Variants in CA5B observed in about 807,000 individuals in gnomAD.
CA5B encodes the protein carbonic anhydrase 5B, mitochondrial.
A neutral mutation model predicts 23.1 loss-of-function variants in CA5B; 15 were observed. The observed-to-expected ratio is 0.65, with a 90% CI of 0.43 to 1.00. The LOEUF (loss-of-function observed/expected upper bound fraction) is 1.00. Among genes scored for constraint, CA5B ranks in the 50% least tolerant of loss-of-function variants. The pLI is 0.00. For synonymous variants in CA5B, 84 were observed against 98.5 expected (o/e 0.85, Z 0.87); for missense variants, 236 against 252.2 (o/e 0.94, Z 0.43).
intron 7 of CA5B, among the ~76,000 whole-genome samples, chrX:15,782,217 T>A (rs764627883): frequency 1.4e-4 from 16 of 112,094 alleles, no homozygotes; most frequent in Admixed American, 4.7e-4. Flanking sequence ...GACAGGGCCT[T>A]TGCCCCAAGT....
intron 2 of CA5B, among the ~76,000 whole-genome samples, chrX:15,756,331 C>T (rs1014220799): frequency 5.3e-5 from 6 of 112,195 alleles, no homozygotes; most frequent in Non-Finnish European, 1.1e-4. Flanking sequence ...CATTTAGTAC[C>T]TCTTCTGTGC....
At chrX:15,777,630 G>A (rs760027384) in intron 7 of CA5B, among the ~76,000 whole-genome samples, 1 of 112,067 alleles carries the variant, frequency 8.9e-6, no homozygotes, top group Admixed American at 9.5e-5. Context: ...CTTTGTCCAA[G>A]TAGCTTTTAC....
At chrX:15,759,612 T>C (rs1931558888) in intron 2 of CA5B, among the ~76,000 whole-genome samples, 2 of 110,946 alleles carry the variant, frequency 1.8e-5, no homozygotes, top group Non-Finnish European at 3.8e-5. Flanking sequence ...ACTAAGACAG[T>C]GCTAAAGCAC....
rs35364577 is a variant in CA5B at position 15,757,054 on chromosome X, CA to C, written c.142+6906del. On this transcript the variant is annotated intron_variant, in intron 2 of 7. Transcript: ENST00000318636. ...TGGGCAACAGAGTGAGACTCCGTCT[CA>C]AAAAAAAAAAAAAAAAGTTTTTAAA... Among the ~76,000 whole-genome samples, 484 of 59,723 alleles carry C rather than the reference CA, an allele frequency of 8.1e-3. 2 individuals carry two copies. The highest frequency in any genetic ancestry group is 0.011 in the Non-Finnish European group (390 of 35,413). 51.9% of individuals were successfully genotyped at this position (59,723 alleles called of 115,157 possible).
Position 15,776,856 on chromosome X carries a change from T to A in CA5B, c.761T>A (p.Val254Asp). The A allele has an allele frequency of 1.7e-6, 2 of 1,208,292 alleles. No homozygotes were observed. Among genetic ancestry groups the A allele is most frequent in the Non-Finnish European group, 2.2e-6 (2 of 892,760 alleles). ...ATCATTAAGAAGCAACCAGTAGAGG[T>A]TGATCATGATCAGGTATGTTCTCTC... Reference protein sequence around the residue: ...TWIIKKQPVEVDHDQLEQFRT... With the variant: ...TWIIKKQPVEDDHDQLEQFRT... The change falls in exon 7 of 8, where the codon GTT (valine) becomes GAT (aspartate). Residue 254 changes from valine (V) to aspartate (D), a missense_variant. By Grantham distance (152) the Val-to-Asp change is radical. This residue lies in a region of CA5B where 170 missense variants were observed against 162.0 expected (regional missense o/e 1.05). Coordinates refer to ENST00000318636, the MANE Select transcript of CA5B (RefSeq NM_007220.4).
intron 2 of CA5B, among the ~76,000 whole-genome samples, chrX:15,763,424 C>T (rs1159357183): frequency 8.9e-6 from 1 of 112,314 alleles, no homozygotes; most frequent in African/African-American, 3.2e-5. Flanking sequence ...ACCCTATTTC[C>T]ACATGGCACC....
intron 1 of CA5B, among the ~76,000 whole-genome samples, chrX:15,739,973 A>C (rs192935632): frequency 5.3e-5 from 6 of 112,229 alleles, no homozygotes; most frequent in Non-Finnish European, 9.4e-5. Context: ...GTCAGAGTAC[A>C]TTCTTTTTTT....
At chrX:15,747,608 T>C (rs1931261356) in intron 1 of CA5B, among the ~76,000 whole-genome samples, 1 of 111,367 alleles carries the variant, frequency 9.0e-6, no homozygotes, top group African/African-American at 3.3e-5. Context: ...GGTTTTATTA[T>C]AGTGTTCTCA....
chrX:15,776,338 C>CAAAAAAAAAAAA (rs1204466142), intron 6 of CA5B, among the ~76,000 whole-genome samples: 4 of 43,572 alleles, frequency 9.2e-5, no homozygotes, highest in Non-Finnish European at 1.7e-4. Flanking sequence ...GACTCTGTCT[C>CAAAAAAAAAAAA]AAAAAAAAAA....
chrX:15,765,030 A>T, intron 3 of CA5B: 1 of 355,082 alleles, frequency 2.8e-6, no homozygotes. Flanking sequence ...TATAATTGGT[A>T]TAGAGCATAG....
rs558069468 is a variant in CA5B at position 15,759,225 on chromosome X, C to T, written c.143-5353C>T. Among the ~76,000 whole-genome samples the T allele has an allele frequency of 3.1e-4, 35 of 111,450 alleles. No homozygotes were observed. The South Asian group carries it at 0.013, about 42-fold the overall frequency. On this transcript the variant is annotated intron_variant, in intron 2 of 7. Transcript: ENST00000318636. Reference sequence around the variant, plus strand: ...TTCAAGGGCTGAAAGAAGGACAGTGCCAAAGCTGGGGAAATAGGTGGTTGC... The same window carrying T: ...TTCAAGGGCTGAAAGAAGGACAGTGTCAAAGCTGGGGAAATAGGTGGTTGC...
At chrX:15,741,179 T>G (rs1312439086) in intron 1 of CA5B, among the ~76,000 whole-genome samples, 2 of 107,160 alleles carry the variant, frequency 1.9e-5, no homozygotes, top group Admixed American at 9.8e-5. Context: ...GTGATTCTCC[T>G]GCCTCAGCCT....
chrX:15,748,479 T>C (rs1490287877), intron 1 of CA5B, among the ~76,000 whole-genome samples: 2 of 111,955 alleles, frequency 1.8e-5, no homozygotes, highest in Non-Finnish European at 3.8e-5. Flanking sequence ...GAAAGTTGAT[T>C]ACCAGTCCAT....
intron 1 of CA5B, among the ~76,000 whole-genome samples, chrX:15,744,090 C>T (rs745676707): frequency 8.9e-6 from 1 of 111,992 alleles, no homozygotes; most frequent in African/African-American, 3.2e-5. Context: ...GCCCCCTAGC[C>T]CTAGAGAGTC....
intron 3 of CA5B, among the ~76,000 whole-genome samples, chrX:15,772,206 G>T (rs1237346850): frequency 8.9e-6 from 1 of 112,142 alleles, no homozygotes; most frequent in Non-Finnish European, 1.9e-5. Flanking sequence ...GCATTTTATT[G>T]CACACAAAAG....
At chrX:15,752,543 G>A (rs2147256809) in intron 2 of CA5B, among the ~76,000 whole-genome samples, 1 of 100,355 alleles carries the variant, frequency 1.0e-5, no homozygotes, top group South Asian at 4.9e-4. Context: ...GGCTAACACG[G>A]TGAAACCCCG....
intron 1 of CA5B, among the ~76,000 whole-genome samples, 176 bp downstream of exon 1, chrX:15,738,528 G>C (rs1219699652): frequency 9.0e-6 from 1 of 110,799 alleles, no homozygotes; most frequent in Admixed American, 9.5e-5. Context: ...TACTGAGTGG[G>C]GCCTAATGGG....
In CA5B at chrX:15,777,550, A is replaced by G. The variant is rs186592894; in HGVS notation, c.774+681A>G. Among the ~76,000 whole-genome samples the G allele has an allele frequency of 1.3e-3, 140 of 111,973 alleles. 1 individual carries two copies. The highest frequency in any genetic ancestry group is 2.0e-3 in the Non-Finnish European group (109 of 53,175). On this transcript the variant is annotated intron_variant, in intron 7 of 7. Coordinates refer to ENST00000318636, the MANE Select transcript of CA5B (RefSeq NM_007220.4). ...AAGATTGGACCCCCCTCTGAAGAAT[A>G]TAAAAGAAAAAAAAGCTAAAAAGAA...
At chrX:15,768,354 A>G (rs937755957) in intron 3 of CA5B, among the ~76,000 whole-genome samples, 4 of 111,099 alleles carry the variant, frequency 3.6e-5, no homozygotes, top group African/African-American at 1.3e-4. Flanking sequence ...TTAGATGGAA[A>G]ACAAGTCATC....
Sources: gnomAD v4.1 joint callset for allele counts (sites outside exome capture counted in the v4.1 genomes callset) on GRCh38, gnomAD v4.1.1 for gene constraint, gnomAD v4.1.1 regional missense constraint, MANE v1.5 for transcripts, NCBI Gene and HGNC (gene_info 2026-07-23, HGNC 2026-07-21) for gene names.